WIF1: variants seen among roughly 807,000 people sequenced by gnomAD.
WIF1 encodes the protein Wnt inhibitory factor 1.
WIF1 carries 35 observed loss-of-function variants against 53.5 expected under a neutral mutation model. The ratio of observed to expected loss-of-function variants is 0.65; its 90% CI spans 0.50 to 0.87. The LOEUF (loss-of-function observed/expected upper bound fraction) is 0.87. Ranked by LOEUF, WIF1 falls within the 40% of genes least tolerant of loss-of-function variation. The pLI is 0.00. For synonymous variants in WIF1, 171 were observed against 170.4 expected, an observed-to-expected ratio of 1.00 and a Z score of -0.03; for missense variants, 467 against 476.8, an observed-to-expected ratio of 0.98 and a Z score of 0.19.
chr12:65,084,904 G>C (rs1380077549), intron 2 of WIF1, among the ~76,000 whole-genome samples: 1 of 152,088 alleles, frequency 6.6e-6, no homozygotes, highest in Non-Finnish European at 1.5e-5. Context: ...CCACAATTGA[G>C]AATACAGAGC....
chr12:65,117,851 C>G (rs567124271), intron 2 of WIF1, among the ~76,000 whole-genome samples: 1 of 152,108 alleles, frequency 6.6e-6, no homozygotes, highest in Admixed American at 6.5e-5. Context: ...TGACAGGAGG[C>G]GGAGCTTAGT....
intron 7 of WIF1, among the ~76,000 whole-genome samples, chr12:65,058,068 T>A (rs1408801841): frequency 2.1e-5 from 3 of 141,164 alleles, no homozygotes; most frequent in Admixed American, 7.2e-5. Context: ...GAATATCACC[T>A]CTTCATTGAC....
chr12:65,091,783 G>A (rs1883126562), intron 2 of WIF1, among the ~76,000 whole-genome samples: 1 of 152,100 alleles, frequency 6.6e-6, no homozygotes. Context: ...ACACAGAAGA[G>A]CAAATCATTA....
At chr12:65,069,886 G>GAT (rs1346792446) in intron 3 of WIF1, among the ~76,000 whole-genome samples, 1 of 152,154 alleles carries the variant, frequency 6.6e-6, no homozygotes, top group Non-Finnish European at 1.5e-5. Flanking sequence ...GGGTAAGACT[G>GAT]ATATAGCAGA....
chr12:65,120,933 CTT>C (rs1883598832), intron 1 of WIF1, 109 bp downstream of exon 1: 2 of 1,309,496 alleles, frequency 1.5e-6, no homozygotes, highest in Non-Finnish European at 2.0e-6. Context: ...GGGGAACACT[CTT>C]TTGTGGAAAT....
chr12:65,077,350 G>A (rs1882878704), intron 3 of WIF1, among the ~76,000 whole-genome samples: 1 of 125,160 alleles, frequency 8.0e-6, no homozygotes, highest in Non-Finnish European at 1.7e-5. Context: ...TAACTTTTGG[G>A]GAATTTTCTT....
chr12:65,065,637 A>G (rs1300061185), intron 6 of WIF1, among the ~76,000 whole-genome samples: 1 of 152,206 alleles, frequency 6.6e-6, no homozygotes. Flanking sequence ...CTGAGTGATC[A>G]CTAAAGAGAC....
At chr12:65,099,113 A>G (rs1883244288) in intron 2 of WIF1, among the ~76,000 whole-genome samples, 1 of 152,216 alleles carries the variant, frequency 6.6e-6, no homozygotes. Context: ...AAGTCCCAGC[A>G]TAATTGTTCT....
At chr12:65,117,425 G>A (rs538551034) in intron 2 of WIF1, among the ~76,000 whole-genome samples, 1 of 152,290 alleles carries the variant, frequency 6.6e-6, no homozygotes, top group Admixed American at 6.5e-5. Context: ...TTTGTTTGAA[G>A]TGGAACACGA....
At chr12:65,096,712 G>T (rs1402341256) in intron 2 of WIF1, among the ~76,000 whole-genome samples, 1 of 152,132 alleles carries the variant, frequency 6.6e-6, no homozygotes, top group East Asian at 1.9e-4. Context: ...CATGTCCTTT[G>T]CAGGGACATG....
intron 9 of WIF1, among the ~76,000 whole-genome samples, chr12:65,054,427 T>C (rs1882493434): frequency 6.6e-6 from 1 of 152,168 alleles, no homozygotes; most frequent in Non-Finnish European, 1.5e-5. Context: ...CTTGGATTCA[T>C]GCTTAGCACA....
chr12:65,114,887 G>A (rs1489882586), intron 2 of WIF1, among the ~76,000 whole-genome samples: 1 of 152,012 alleles, frequency 6.6e-6, no homozygotes, highest in African/African-American at 2.4e-5. Flanking sequence ...GAAAAATGAA[G>A]GTACCCCACT....
intron 2 of WIF1, among the ~76,000 whole-genome samples, chr12:65,119,642 C>T (rs932754395): frequency 6.6e-6 from 1 of 152,148 alleles, no homozygotes; most frequent in Admixed American, 6.5e-5. Context: ...AACTAATAAG[C>T]TGAAGAATGC....
rs548520761 is a variant in WIF1 at position 65,091,147 on chromosome 12, G to A, written c.289-13293C>T. 2.0e-3 allele frequency among the ~76,000 whole-genome samples: 309 copies of A among 151,730 alleles called. 1 individual carries two copies. The highest frequency in any genetic ancestry group is 7.1e-3 in the African/African-American group (295 of 41,386). On this transcript the variant is annotated intron_variant, in intron 2 of 9. Transcript: ENST00000286574. ...ATTTGCAGGAAATTTAAAGGATAGC[G>A]GAATAAGTTAAACTACACCACAAAG...
chr12:65,094,953 G>T (rs1185673356), intron 2 of WIF1, among the ~76,000 whole-genome samples: 1 of 128,334 alleles, frequency 7.8e-6, no homozygotes, highest in African/African-American at 2.8e-5. Context: ...TATTTATTTT[G>T]ACAAGGTCTC....
At chr12:65,107,302 T>C (rs886510994) in intron 2 of WIF1, among the ~76,000 whole-genome samples, 3 of 152,210 alleles carry the variant, frequency 2.0e-5, no homozygotes, top group Non-Finnish European at 4.4e-5. Context: ...TACATGTCTA[T>C]TGGGATCCAT....
intron 9 of WIF1, among the ~76,000 whole-genome samples, chr12:65,054,566 A>T (rs1278280664): frequency 6.6e-6 from 1 of 152,200 alleles, no homozygotes; most frequent in East Asian, 1.9e-4. Context: ...CTCCATTATA[A>T]CATCTCTCCC....
At chr12:65,120,721 A>T in intron 1 of WIF1, 165 bp from the exon 2 acceptor site, 1 of 866,050 alleles carries the variant, frequency 1.2e-6, no homozygotes, top group Non-Finnish European at 1.7e-6. Flanking sequence ...TTCTCTGTGG[A>T]TGATGAGAAT....
chr12:65,080,612 A>C (rs1037101904), intron 2 of WIF1, among the ~76,000 whole-genome samples: 1 of 152,182 alleles, frequency 6.6e-6, no homozygotes, highest in African/African-American at 2.4e-5. Context: ...AACGTATTTT[A>C]TTTGGCACTA....
Sources: gnomAD v4.1 joint callset for allele counts (sites outside exome capture counted in the v4.1 genomes callset) on GRCh38, gnomAD v4.1.1 for gene constraint, MANE v1.5 for transcripts, NCBI Gene and HGNC (gene_info 2026-07-23, HGNC 2026-07-21) for gene names.